The following PRKAR1A variants were observed in gnomAD, a reference collection of about 807,000 sequenced individuals.
PRKAR1A encodes protein kinase cAMP-dependent type I regulatory subunit alpha, also known as cAMP-dependent protein kinase type I-alpha regulatory subunit.
Under a neutral mutation model 52.0 loss-of-function variants are expected in PRKAR1A, and 3 were observed. That is an observed-to-expected ratio of 0.06 (90% confidence interval 0.03 to 0.15). PRKAR1A has a LOEUF of 0.15. Among genes scored for constraint, PRKAR1A ranks in the 10% least tolerant of loss-of-function variants. The probability of loss-of-function intolerance (pLI) is 1.00; values close to 1 mark genes in which losing one functional copy is unlikely to be tolerated. For missense variants in PRKAR1A, 240 were observed against 477.4 expected (o/e 0.50, Z 4.63); for synonymous variants, 188 against 168.4 (o/e 1.12, Z -0.90).
At chr17:68,516,800 G>A (rs564787704) in intron 2 of PRKAR1A, among the ~76,000 whole-genome samples, 2 of 152,088 alleles carry the variant, frequency 1.3e-5, no homozygotes, top group East Asian at 3.9e-4. Flanking sequence ...AGATATTCTG[G>A]CTTTCTCTTA....
chr17:68,422,194 G>C, the PRKAR1A span: 2 of 196,620 alleles, frequency 1.0e-5, no homozygotes, highest in Non-Finnish European at 2.2e-5. Flanking sequence ...TTGGGAGGCT[G>C]AGGTGGGTGG....
Position 68,540,067 on chromosome 17 carries a change from G to A in PRKAR1A, c.973+10066G>A, listed in dbSNP as rs566341586. 3.0e-5 allele frequency: 30 copies of A among 1,005,756 alleles called. No homozygotes were observed. In the African/African-American group the frequency reaches 4.4e-4, roughly 15 times the overall value. The allele number at this position is 1,005,756 out of a possible 1,614,324, so 62.3% of individuals were successfully genotyped here. Reference sequence around the variant, plus strand: ...GGAACGGAGGCCTGTCATCACTTGAGAGACAGGGGTGTGAACGAAGCTGGG... The same window carrying A: ...GGAACGGAGGCCTGTCATCACTTGAAAGACAGGGGTGTGAACGAAGCTGGG... On this transcript the variant is annotated intron_variant, in intron 11 of 11. Transcript: ENST00000585981.
the PRKAR1A span, chr17:68,457,594 C>A: frequency 2.6e-6 from 1 of 391,566 alleles, no homozygotes; most frequent in African/African-American, 2.2e-5. Context: ...CCGCCCCGTC[C>A]CCGCCGCGTC....
At chr17:68,489,612 G>A in the PRKAR1A span, among the ~76,000 whole-genome samples, 1 of 151,312 alleles carries the variant, frequency 6.6e-6, no homozygotes, top group African/African-American at 2.4e-5. Flanking sequence ...GTGCAGTGGT[G>A]CAATCTCAGC....
downstream of PRKAR1A, among the ~76,000 whole-genome samples, chr17:68,534,393 C>T (rs979821684): frequency 6.6e-6 from 1 of 152,068 alleles, no homozygotes; most frequent in African/African-American, 2.4e-5. Context: ...ACTTGCTAAA[C>T]TTTATTTGTA....
In PRKAR1A at chr17:68,515,495, A is replaced by G; in HGVS notation, c.96A>G (p.Lys32=). The G allele has an allele frequency of 6.2e-7, 1 of 1,613,480 alleles. No homozygotes were observed. The highest frequency in any genetic ancestry group is 8.5e-7 in the Non-Finnish European group (1 of 1,180,034). Residue 32 remains lysine, a synonymous_variant, in exon 2 of 11, where the codon AAA becomes AAG. Transcript: ENST00000589228. ...VQKHNIQALL[K]DSIVQLCTAR... is the part of the protein sequence containing the mutation. The stretch of plus-strand genomic sequence containing the variant: ...AGCATAACATTCAAGCGCTGCTCAA[A>G]GATTCTATTGTGCAGTTGTGCACTG...
the PRKAR1A span, among the ~76,000 whole-genome samples, chr17:68,474,953 T>A: frequency 0.11 from 17,219 of 152,078 alleles, 1,250 homozygotes; most frequent in African/African-American, 0.21. Flanking sequence ...AAGTAAATTT[T>A]AAAAAAAATG....
downstream of PRKAR1A, chr17:68,535,551 T>C (rs1250275834): frequency 2.2e-6 from 1 of 454,024 alleles, no homozygotes; most frequent in Non-Finnish European, 4.4e-6. Flanking sequence ...GGAAGAAACA[T>C]CTTGAAGCAG....
At chr17:68,513,641 T>C (rs934839315) in intron 1 of PRKAR1A, among the ~76,000 whole-genome samples, 1 of 152,182 alleles carries the variant, frequency 6.6e-6, no homozygotes, top group Non-Finnish European at 1.5e-5. Flanking sequence ...TAAGTACACA[T>C]AGAGAATCCG....
At chr17:68,445,463 G>A in the PRKAR1A span, among the ~76,000 whole-genome samples, 1 of 152,094 alleles carries the variant, frequency 6.6e-6, no homozygotes, top group Non-Finnish European at 1.5e-5. Context: ...CTGCTTTTGG[G>A]CCGCTGTCTG....
chr17:68,544,951 T>C (rs1246812760), intron 11 of PRKAR1A, among the ~76,000 whole-genome samples: 1 of 152,374 alleles, frequency 6.6e-6, no homozygotes, highest in Non-Finnish European at 1.5e-5. Flanking sequence ...TTCTCATACT[T>C]TGAGAAGCAC....
the PRKAR1A span, chr17:68,434,614 G>C: frequency 3.1e-6 from 5 of 1,613,934 alleles, no homozygotes; most frequent in Non-Finnish European, 4.2e-6. Flanking sequence ...GAGAACACCC[G>C]GATGACTGTG....
the PRKAR1A span, among the ~76,000 whole-genome samples, chr17:68,452,275 T>C: frequency 6.6e-6 from 1 of 152,200 alleles, no homozygotes; most frequent in African/African-American, 2.4e-5. Flanking sequence ...CAAAAATAAG[T>C]CACAGGTGGC....
chr17:68,476,788 G>T, the PRKAR1A span, among the ~76,000 whole-genome samples: 1 of 151,934 alleles, frequency 6.6e-6, no homozygotes, highest in Non-Finnish European at 1.5e-5. Context: ...TCAGCCTCCT[G>T]AGTAGCTGGG....
chr17:68,549,649 C>T (rs577940083), intron 11 of PRKAR1A, among the ~76,000 whole-genome samples: 5 of 152,174 alleles, frequency 3.3e-5, no homozygotes, highest in African/African-American at 1.2e-4. Context: ...TATCAGTATT[C>T]CTTAGGTTGC....
chr17:68,493,662 C>A, the PRKAR1A span: 32,093 of 151,208 alleles, frequency 0.21, 3,720 homozygotes, highest in Non-Finnish European at 0.25. Context: ...GGCGTGATCT[C>A]GGCTCACTGC....
chr17:68,536,903 A>T (rs952001488), downstream of PRKAR1A: 4 of 453,972 alleles, frequency 8.8e-6, no homozygotes, highest in South Asian at 1.6e-5. Flanking sequence ...CTAAGAAGTT[A>T]CTCCAGGACC....
chr17:68,476,435 C>G, the PRKAR1A span, among the ~76,000 whole-genome samples: 1 of 152,068 alleles, frequency 6.6e-6, no homozygotes, highest in African/African-American at 2.4e-5. Flanking sequence ...ATAATATATG[C>G]ACATTGTTCA....
At chr17:68,521,429 C>G (rs1040595101) in intron 2 of PRKAR1A, among the ~76,000 whole-genome samples, 1 of 152,216 alleles carries the variant, frequency 6.6e-6, no homozygotes, top group Non-Finnish European at 1.5e-5. Flanking sequence ...TGAGGTTTTA[C>G]AATGTTGCCT....
Sources: gnomAD v4.1 joint callset for allele counts (sites outside exome capture counted in the v4.1 genomes callset) on GRCh38, gnomAD v4.1.1 for gene constraint, MANE v1.5 for transcripts, NCBI Gene and HGNC (gene_info 2026-07-23, HGNC 2026-07-21) for gene names.